The following TM7SF3 variants were observed in gnomAD, a reference collection of about 807,000 sequenced individuals.
TM7SF3 encodes seven span transmembrane protein.
A neutral mutation model predicts 65.5 loss-of-function variants in TM7SF3; 60 were observed. The observed-to-expected ratio is 0.92, with a 90% CI of 0.74 to 1.14. TM7SF3 has a LOEUF of 1.14. TM7SF3 is among the 50% of genes most tolerant of loss of function. TM7SF3 has a pLI of 0.00. For missense variants in TM7SF3, 623 were observed against 684.8 expected (o/e 0.91, Z 1.01); for synonymous variants, 264 against 259.6 (o/e 1.02, Z -0.16).
chr12:27,007,750 T>C (rs762946976), intron 1 of TM7SF3, among the ~76,000 whole-genome samples: 1 of 152,180 alleles, frequency 6.6e-6, no homozygotes, highest in South Asian at 2.1e-4. Context: ...TCACATCTTC[T>C]TTCCTCCCCA....
At chr12:26,975,114 G>A (rs1939512434) in intron 11 of TM7SF3, among the ~76,000 whole-genome samples, 1 of 152,120 alleles carries the variant, frequency 6.6e-6, no homozygotes, top group South Asian at 2.1e-4. Flanking sequence ...TTCATTAAAG[G>A]AGGGAAACAA....
chr12:27,000,361 C>G (rs141134490), intron 2 of TM7SF3, among the ~76,000 whole-genome samples: 68 of 152,302 alleles, frequency 4.5e-4, no homozygotes, highest in African/African-American at 1.6e-3. Flanking sequence ...TCTAAGACCA[C>G]TAGGACAAAA....
In TM7SF3 at chr12:27,007,705, T is replaced by C. The variant is rs555264834; in HGVS notation, c.92-4315A>G. ...ATTAACCAGCACCTAAACAGCATTC[T>C]AGCATCTTAGTGGTCCCCCTGTGGC... On this transcript the variant is annotated intron_variant, in intron 1 of 11. Coordinates refer to ENST00000343028, the MANE Select transcript of TM7SF3 (RefSeq NM_016551.3). 8.5e-5 allele frequency among the ~76,000 whole-genome samples: 13 copies of C among 152,294 alleles called. 1 individual carries two copies. The highest frequency in any genetic ancestry group is 7.2e-4 in the Admixed American group (11 of 15,300).
At position 26,971,708 on chromosome 12, in the gene TM7SF3, C is replaced by G. The variant is rs1939368783; in HGVS notation, c.*2257G>C. The G allele has an allele frequency of 6.6e-6, 1 of 152,078 alleles. No homozygotes were observed. The highest frequency in any genetic ancestry group is 1.5e-5 in the Non-Finnish European group (1 of 68,022). The allele number at this position is 152,078 out of a possible 1,614,324, so 9.4% of individuals were successfully genotyped here. A position where few individuals can be genotyped will look rare whatever the true frequency, so the allele number is the denominator to read the frequency against. On this transcript the variant is annotated 3_prime_UTR_variant, in exon 12 of 12. Coordinates refer to ENST00000343028, the MANE Select transcript of TM7SF3 (RefSeq NM_016551.3). ...GTTCTGTCTTTACAGTCTTCACTGG[C>G]AGTGCATTCAGATAGTATAGAAAAT... is the stretch of plus-strand genomic sequence containing the variant.
intron 5 of TM7SF3, among the ~76,000 whole-genome samples, chr12:26,991,278 C>G (rs61923435): frequency 9.5e-4 from 144 of 151,378 alleles, no homozygotes; most frequent in Middle Eastern, 3.4e-3. Context: ...TCAGCCTCCC[C>G]AGTAGCTGGG....
intron 6 of TM7SF3, among the ~76,000 whole-genome samples, chr12:26,989,834 T>C (rs979340894): frequency 7.9e-5 from 12 of 152,190 alleles, no homozygotes; most frequent in African/African-American, 2.4e-4. Flanking sequence ...TTAAAATATC[T>C]TAGATCATGG....
At chr12:27,010,161 G>T (rs1008396467) in intron 1 of TM7SF3, among the ~76,000 whole-genome samples, 16 of 152,224 alleles carry the variant, frequency 1.1e-4, no homozygotes, top group South Asian at 2.1e-4. Flanking sequence ...GCTGCCATCA[G>T]TTGGCTGCTG....
At chr12:26,976,382 A>G in intron 9 of TM7SF3, 25 bp from the exon 10 acceptor site, 1 of 1,495,560 alleles carries the variant, frequency 6.7e-7, no homozygotes, top group Non-Finnish European at 9.3e-7. Flanking sequence ...AGAAACTAAG[A>G]GTAAACAACA....
At chr12:27,003,525 A>G in intron 1 of TM7SF3, 135 bp from the exon 2 acceptor site, 1 of 783,582 alleles carries the variant, frequency 1.3e-6, no homozygotes, top group Non-Finnish European at 2.0e-6. Flanking sequence ...CTCCTATTTC[A>G]CTGCTAAAGA....
intron 5 of TM7SF3, among the ~76,000 whole-genome samples, chr12:26,991,636 A>G (rs1227768319): frequency 6.6e-6 from 1 of 152,214 alleles, no homozygotes; most frequent in Non-Finnish European, 1.5e-5. Context: ...TTAGCCTTCA[A>G]TAACTTGCTT....
rs1344210485 is a variant in TM7SF3 at position 27,003,523 on chromosome 12, T to C, written c.92-133A>G. 3 of 822,312 alleles carry C rather than the reference T, an allele frequency of 3.6e-6. No homozygotes were observed. The African/African-American group carries it at 5.2e-5, about 14-fold the overall frequency. The allele number at this position is 822,312 out of a possible 1,614,324, so 50.9% of individuals were successfully genotyped here. ...GGTAAATATGGTTATTGCTCCTATTTCACTGCTAAAGACAATGTGGCTTAA... is the reference window on the plus strand; with the variant it reads ...GGTAAATATGGTTATTGCTCCTATTCCACTGCTAAAGACAATGTGGCTTAA... On this transcript the variant is annotated intron_variant, in intron 1 of 11. Coordinates refer to ENST00000343028, the MANE Select transcript of TM7SF3 (RefSeq NM_016551.3).
chr12:26,975,793 G>T, intron 10 of TM7SF3, 135 bp from the exon 11 acceptor site: 1 of 868,208 alleles, frequency 1.2e-6, no homozygotes, highest in Non-Finnish European at 1.7e-6. Flanking sequence ...ACTCAGAGCT[G>T]AACAGAAGTT....
chr12:26,980,239 G>T, intron 8 of TM7SF3: 1 of 538,218 alleles, frequency 1.9e-6, no homozygotes, highest in Non-Finnish European at 3.3e-6. Context: ...GGGGTAGGGA[G>T]GTATCTGTTT....
chr12:27,009,892 C>T (rs1165795060), intron 1 of TM7SF3, among the ~76,000 whole-genome samples: 2 of 152,206 alleles, frequency 1.3e-5, no homozygotes, highest in East Asian at 1.9e-4. Flanking sequence ...TGTGAAAATA[C>T]TTTGGCAGTG....
chr12:26,988,862 C>T (rs1940219728), intron 6 of TM7SF3, among the ~76,000 whole-genome samples: 1 of 151,920 alleles, frequency 6.6e-6, no homozygotes, highest in African/African-American at 2.4e-5. Flanking sequence ...GAGACAGCAA[C>T]AACAACCCCT....
chr12:26,973,120 GA>G lies in TM7SF3; in HGVS notation c.*844del, dbSNP rs1565861675. ...AAAGGGTAACTTTTGGATAATGTAT[GA>G]TACTAAGAAGGGCATGCAACTAAGT... On this transcript the variant is annotated 3_prime_UTR_variant, in exon 12 of 12. Coordinates refer to ENST00000343028, the MANE Select transcript of TM7SF3 (RefSeq NM_016551.3). The G allele has an allele frequency of 6.6e-6, 1 of 150,522 alleles. No individual in the cohort carries two copies. Among genetic ancestry groups the G allele is most frequent in the Non-Finnish European group, 1.5e-5 (1 of 67,744 alleles). The allele number at this position is 150,522 out of a possible 1,614,324, so 9.3% of individuals were successfully genotyped here.
intron 5 of TM7SF3, among the ~76,000 whole-genome samples, chr12:26,990,896 C>T (rs183162107): frequency 3.8e-4 from 58 of 152,120 alleles, no homozygotes; most frequent in African/African-American, 1.1e-3. Context: ...ATGCTAGTTA[C>T]GACCATGAAA....
At chr12:26,983,712 C>T (rs1275538405) in intron 6 of TM7SF3, 4 of 354,286 alleles carry the variant, frequency 1.1e-5, no homozygotes, top group South Asian at 2.2e-5. Flanking sequence ...AATTTAAAAA[C>T]ATGTATTACA....
At chr12:26,984,550 C>G (rs555302558) in intron 6 of TM7SF3, among the ~76,000 whole-genome samples, 10 of 151,476 alleles carry the variant, frequency 6.6e-5, no homozygotes, top group South Asian at 2.1e-4. Flanking sequence ...ATTTTTACAC[C>G]AAAACCATTA....
Sources: gnomAD v4.1 joint callset for allele counts (sites outside exome capture counted in the v4.1 genomes callset) on GRCh38, gnomAD v4.1.1 for gene constraint, MANE v1.5 for transcripts, NCBI Gene and HGNC (gene_info 2026-07-23, HGNC 2026-07-21) for gene names.